Variants in UXS1 observed in about 807,000 individuals in gnomAD.
UXS1 encodes UDP-glucuronic acid decarboxylase 1.
In UXS1, 33 loss-of-function variants were observed where a neutral mutation model predicts 62.6. The ratio of observed to expected loss-of-function variants is 0.53; its 90% CI spans 0.40 to 0.70. UXS1 has a LOEUF of 0.70. UXS1 is among the 30% of genes least tolerant of loss of function. UXS1 has a pLI of 0.00. For missense variants in UXS1, 434 were observed against 556.3 expected (o/e 0.78, Z 2.21); for synonymous variants, 213 against 206.8 (o/e 1.03, Z -0.26).
At chr2:106,185,350 T>A (rs1213092356) in intron 1 of UXS1, among the ~76,000 whole-genome samples, 1 of 152,210 alleles carries the variant, frequency 6.6e-6, no homozygotes, top group African/African-American at 2.4e-5. Flanking sequence ...GCCCAAGTCT[T>A]AAACCCTGTT....
At chr2:106,164,233 T>C (rs1038974457) in intron 3 of UXS1, among the ~76,000 whole-genome samples, 1 of 152,176 alleles carries the variant, frequency 6.6e-6, no homozygotes, top group African/African-American at 2.4e-5. Context: ...CCAAAGTAAG[T>C]AACCTCCCAT....
intron 1 of UXS1, among the ~76,000 whole-genome samples, chr2:106,178,828 C>T (rs534419090): frequency 9.2e-5 from 14 of 151,978 alleles, no homozygotes; most frequent in African/African-American, 3.4e-4. Context: ...CTGAGCACAC[C>T]CAGTGCCCCC....
At chr2:106,162,955 G>GA (rs35633585) in intron 4 of UXS1, among the ~76,000 whole-genome samples, 28 of 152,256 alleles carry the variant, frequency 1.8e-4, no homozygotes, top group Admixed American at 3.9e-4. Flanking sequence ...CCAATAAGGG[G>GA]AAAAAATCAC....
At chr2:106,131,312 G>A (rs1252436804) in intron 6 of UXS1, among the ~76,000 whole-genome samples, 7 of 109,082 alleles carry the variant, frequency 6.4e-5, no homozygotes, top group East Asian at 2.3e-4. Flanking sequence ...ACTGCAAGGC[G>A]GCAACGAGGC....
chr2:106,122,615 T>G (rs10190671), intron 9 of UXS1, among the ~76,000 whole-genome samples: 1 of 152,108 alleles, frequency 6.6e-6, no homozygotes, highest in Admixed American at 6.5e-5. Flanking sequence ...ATCCATTTTT[T>G]TACTTAATTG....
intron 5 of UXS1, 21 bp from the exon 6 acceptor site, chr2:106,145,391 C>A: frequency 1.3e-6 from 2 of 1,596,470 alleles, no homozygotes; most frequent in Non-Finnish European, 1.7e-6. Flanking sequence ...ACAGCGTGTG[C>A]AGAGCATTCC....
At chr2:106,111,769 T>A (rs1409213180) in intron 10 of UXS1, among the ~76,000 whole-genome samples, 2 of 152,198 alleles carry the variant, frequency 1.3e-5, no homozygotes, top group East Asian at 3.8e-4. Flanking sequence ...TTCTTCCCCC[T>A]GGAATACACT....
At chr2:106,157,890 G>A (rs11689521) in intron 5 of UXS1, among the ~76,000 whole-genome samples, 168 bp downstream of exon 5, 428 of 152,250 alleles carry the variant, frequency 2.8e-3, no homozygotes, top group Non-Finnish European at 5.0e-3. Context: ...CTTTTTTGGG[G>A]TGATGAAGAA....
At chr2:106,137,356 T>C in intron 6 of UXS1, among the ~76,000 whole-genome samples, 1 of 152,240 alleles carries the variant, frequency 6.6e-6, no homozygotes, top group East Asian at 1.9e-4. Flanking sequence ...GGTCAGTTCC[T>C]GCTACACCTA....
intron 6 of UXS1, chr2:106,138,172 C>G: frequency 1.0e-6 from 1 of 985,446 alleles, no homozygotes; most frequent in Non-Finnish European, 1.2e-6. Context: ...TCATTAACCT[C>G]ACACTCTTCC....
At position 106,098,706 on chromosome 2, in the gene UXS1, T is replaced by A; in HGVS notation, c.1042+10A>T. The stretch of plus-strand genomic sequence containing the variant: ...TCGATTTTACTCAGGAAATGACTTA[T>A]CCTACTTACCAACAAGGTTTTTAAT... On this transcript the variant is annotated intron_variant, in intron 13 of 14. Coordinates refer to ENST00000283148, the MANE Select transcript of UXS1 (RefSeq NM_001253875.2). 1 of 1,606,022 alleles carries A rather than the reference T, an allele frequency of 6.2e-7. No homozygotes were observed. Among genetic ancestry groups the A allele is most frequent in the Non-Finnish European group, 8.5e-7 (1 of 1,174,968 alleles).
At chr2:106,123,599 C>T (rs1409642942) in intron 8 of UXS1, among the ~76,000 whole-genome samples, 4 of 152,114 alleles carry the variant, frequency 2.6e-5, no homozygotes, top group East Asian at 1.9e-4. Context: ...GGTGGAGGGA[C>T]GGGGTGCCCC....
chr2:106,192,508 C>G (rs1684995510), intron 1 of UXS1, among the ~76,000 whole-genome samples: 1 of 150,940 alleles, frequency 6.6e-6, no homozygotes, highest in East Asian at 2.0e-4. Context: ...GAGCCGAGAT[C>G]GCGCCCCTGC....
intron 6 of UXS1, among the ~76,000 whole-genome samples, chr2:106,143,179 T>G (rs552597946): frequency 1.3e-5 from 2 of 151,042 alleles, no homozygotes; most frequent in Non-Finnish European, 3.0e-5. Flanking sequence ...GAGGTCAAGG[T>G]GGGCGGATCA....
At chr2:106,104,648 T>C (rs982440326) in intron 11 of UXS1, 146 bp downstream of exon 11, 7 of 939,708 alleles carry the variant, frequency 7.4e-6, no homozygotes, top group African/African-American at 1.7e-5. Flanking sequence ...AGTTTTCCCA[T>C]CATAAAATTA....
chr2:106,184,677 C>T (rs1422060652), intron 1 of UXS1, among the ~76,000 whole-genome samples: 1 of 152,172 alleles, frequency 6.6e-6, no homozygotes, highest in East Asian at 1.9e-4. Flanking sequence ...TGCATGAGGG[C>T]TCTGCCTCCT....
In UXS1 at chr2:106,114,942, T is replaced by C. The variant is rs181285642; in HGVS notation, c.760-2177A>G. Among the ~76,000 whole-genome samples, 4 of 152,296 alleles carry C rather than the reference T, an allele frequency of 2.6e-5. No individual in the cohort carries two copies. The East Asian group carries it at 5.8e-4, about 22-fold the overall frequency. ...CCTGCTCTCCTCTGGGATGATGGTG[T>C]CTTCTGGAGTTTGTATGCCCATCTA... On this transcript the variant is annotated intron_variant, in intron 9 of 14. Coordinates refer to ENST00000283148, the MANE Select transcript of UXS1 (RefSeq NM_001253875.2).
intron 1 of UXS1, among the ~76,000 whole-genome samples, chr2:106,182,769 C>T (rs1167799995): frequency 2.1e-5 from 3 of 139,786 alleles, no homozygotes; most frequent in Admixed American, 7.4e-5. Context: ...TAGTTGGGTG[C>T]TGCTTCTCCT....
chr2:106,163,759 C>CGAG, intron 3 of UXS1, 49 bp from the exon 4 acceptor site: 1 of 1,225,716 alleles, frequency 8.2e-7, no homozygotes, highest in Non-Finnish European at 1.1e-6. Context: ...ACACAGTTCT[C>CGAG]AACCCCTTTC....
Sources: gnomAD v4.1 joint callset for allele counts (sites outside exome capture counted in the v4.1 genomes callset) on GRCh38, gnomAD v4.1.1 for gene constraint, MANE v1.5 for transcripts, NCBI Gene and HGNC (gene_info 2026-07-23, HGNC 2026-07-21) for gene names.